Variants in ART3 observed in about 807,000 individuals in gnomAD.
ART3 encodes the protein ecto-ADP-ribosyltransferase 3.
Under a neutral mutation model 48.5 loss-of-function variants are expected in ART3, and 49 were observed. That is an observed-to-expected ratio of 1.01 (90% CI 0.80 to 1.28). The LOEUF (loss-of-function observed/expected upper bound fraction) is 1.28, where lower values mean the gene tolerates loss of function less well. Among genes scored for constraint, ART3 ranks in the 50% most tolerant of loss-of-function variants. The pLI is 0.00. For missense variants in ART3, 438 were observed against 454.3 expected (o/e 0.96, Z 0.33); for synonymous variants, 145 against 157.2 (o/e 0.92, Z 0.58).
chr4:76,035,280 CTT>C, intron 1 of ART3: 1 of 1,614,088 alleles, frequency 6.2e-7, no homozygotes, highest in African/African-American at 1.3e-5. Flanking sequence ...ATATCTGCCA[CTT>C]TCACTGCTTT....
intron 1 of ART3, among the ~76,000 whole-genome samples, chr4:76,037,302 T>A (rs575248530): frequency 2.4e-4 from 37 of 152,196 alleles, no homozygotes; most frequent in Non-Finnish European, 4.4e-4. Context: ...CACTTGTAGA[T>A]GTTTAAGAAA....
chr4:76,085,535 C>T (rs1723361778), intron 3 of ART3, among the ~76,000 whole-genome samples: 1 of 152,140 alleles, frequency 6.6e-6, no homozygotes, highest in Admixed American at 6.5e-5. Context: ...CCTAGTCCTG[C>T]ATCTGAGTTG....
At chr4:76,093,384 C>T (rs1216519017) in intron 3 of ART3, among the ~76,000 whole-genome samples, 3 of 152,114 alleles carry the variant, frequency 2.0e-5, no homozygotes, top group Non-Finnish European at 4.4e-5. Context: ...GCCACGACTG[C>T]GCCACTGTGC....
chr4:76,079,140 A>G lies in ART3; in HGVS notation c.70-2684A>G, dbSNP rs1419253968. On this transcript the variant is annotated intron_variant, in intron 2 of 11. Coordinates refer to ENST00000355810, the MANE Select transcript of ART3 (RefSeq NM_001130016.3). ...CTGCCTGAGATCAAATTCCAATTCC[A>G]TGTAAGTCTCAATCTCTTAGTTTCC... is the stretch of plus-strand genomic sequence containing the variant. Among the ~76,000 whole-genome samples the G allele has an allele frequency of 7.6e-5, 11 of 145,660 alleles. No individual in the cohort carries two copies. In the East Asian group the frequency reaches 2.3e-3, roughly 31 times the overall value.
At chr4:76,046,119 C>CTG (rs1553927249) in intron 1 of ART3, among the ~76,000 whole-genome samples, 2 of 151,090 alleles carry the variant, frequency 1.3e-5, no homozygotes, top group East Asian at 1.9e-4. Context: ...GAGAAGTGGC[C>CTG]TAGATCCTGG....
intron 1 of ART3, among the ~76,000 whole-genome samples, chr4:76,030,722 G>A (rs1578238417): frequency 6.6e-6 from 1 of 152,120 alleles, no homozygotes; most frequent in Admixed American, 6.6e-5. Flanking sequence ...CTATAAAATG[G>A]AATCATACAA....
chr4:76,034,869 A>T (rs1270268223), intron 1 of ART3: 56 of 1,504,800 alleles, frequency 3.7e-5, no homozygotes, highest in Non-Finnish European at 4.9e-5. Flanking sequence ...TGTTTCCCCC[A>T]GGACATCTAA....
intron 3 of ART3, among the ~76,000 whole-genome samples, chr4:76,084,925 C>A (rs1723236885): frequency 6.6e-6 from 1 of 152,170 alleles, no homozygotes; most frequent in African/African-American, 2.4e-5. Flanking sequence ...CGTACCAATC[C>A]TGCATAGGTT....
intron 1 of ART3, among the ~76,000 whole-genome samples, chr4:76,037,694 T>C (rs1324153051): frequency 6.6e-6 from 1 of 152,198 alleles, no homozygotes; most frequent in African/African-American, 2.4e-5. Context: ...CTTAAAATTC[T>C]TTAAAAAGAT....
At chr4:76,050,029 G>A (rs528108610) in intron 1 of ART3, among the ~76,000 whole-genome samples, 21 of 152,002 alleles carry the variant, frequency 1.4e-4, no homozygotes, top group African/African-American at 3.1e-4. Context: ...GGAGTTGTTC[G>A]TTCCTCCCGG....
intron 4 of ART3, among the ~76,000 whole-genome samples, chr4:76,097,906 T>G (rs1370503755): frequency 6.6e-6 from 1 of 152,194 alleles, no homozygotes; most frequent in Non-Finnish European, 1.5e-5. Flanking sequence ...CCTGTGGCTC[T>G]TCTCTCAGAC....
At position 76,100,280 on chromosome 4, in the gene ART3, C is replaced by G; in HGVS notation, c.848-11C>G. 6.2e-7 allele frequency: 1 copy of G among 1,610,076 alleles called. No homozygotes were observed. The highest frequency in any genetic ancestry group is 8.5e-7 in the Non-Finnish European group (1 of 1,177,554). The stretch of plus-strand genomic sequence containing the variant: ...TTGTTAAAACTGATGAACTTCTTTT[C>G]TGTGACTCAGGTGAGAAAAACCAGA... On this transcript the variant is annotated splice_polypyrimidine_tract_variant and intron_variant, in intron 5 of 11. Coordinates refer to ENST00000355810, the MANE Select transcript of ART3 (RefSeq NM_001130016.3).
intron 1 of ART3, among the ~76,000 whole-genome samples, chr4:76,046,188 G>A (rs1030965576): frequency 3.3e-5 from 5 of 152,052 alleles, no homozygotes; most frequent in Non-Finnish European, 7.4e-5. Flanking sequence ...AAGACCATCT[G>A]TGTAAGTTGG....
At chr4:76,033,554 G>A (rs1326773650) in intron 1 of ART3, 1 of 152,090 alleles carries the variant, frequency 6.6e-6, no homozygotes, top group Non-Finnish European at 1.5e-5. Context: ...AGAAACAACT[G>A]TCTTTCCCAC....
upstream of ART3, among the ~76,000 whole-genome samples, chr4:76,069,852 C>T (rs1260882091): frequency 1.3e-5 from 2 of 151,426 alleles, no homozygotes; most frequent in Non-Finnish European, 2.9e-5. Flanking sequence ...GATAATACTG[C>T]TATGAACATT....
intron 1 of ART3, chr4:76,021,338 A>G (rs1732789592): frequency 6.6e-6 from 1 of 152,376 alleles, no homozygotes; most frequent in Non-Finnish European, 1.5e-5. Context: ...TGAAAACAAT[A>G]TAGGAAATAT....
rs551434981 is a variant in ART3 at position 76,089,396 on chromosome 4, C to T, written c.781+6861C>T. ...CTGTTTCTAATTATTTAGCACCGTC[C>T]CCTTTGTGCTGTTATCATGATAGAG... On this transcript the variant is annotated intron_variant, in intron 3 of 11. Coordinates refer to ENST00000355810, the MANE Select transcript of ART3 (RefSeq NM_001130016.3). Among the ~76,000 whole-genome samples the T allele has an allele frequency of 3.3e-5, 5 of 151,754 alleles. No individual in the cohort carries two copies. The South Asian group carries it at 1.0e-3, about 32-fold the overall frequency.
At chr4:76,034,856 TC>T (rs1297142871) in intron 1 of ART3, 2 of 1,543,332 alleles carry the variant, frequency 1.3e-6, no homozygotes, top group African/African-American at 2.7e-5. Context: ...CTTGGGCTGT[TC>T]TTGTTTCCCC....
At chr4:76,036,675 T>A (rs374704243) in intron 1 of ART3, 3 of 27,086 alleles carry the variant, frequency 1.1e-4, no homozygotes, top group Non-Finnish European at 1.9e-4. Flanking sequence ...TTTTTAAATT[T>A]AATTTAATTT....
Sources: allele counts gnomAD v4.1 joint callset (sites outside exome capture counted in the v4.1 genomes callset), GRCh38; gene constraint gnomAD v4.1.1; transcripts MANE v1.5; gene names NCBI Gene and HGNC (gene_info 2026-07-23, HGNC 2026-07-21).